The following YIPF6 variants were observed in gnomAD, a reference collection of about 807,000 sequenced individuals.
The protein encoded by YIPF6 is protein YIPF6.
YIPF6 carries 3 observed loss-of-function variants against 16.8 expected under a neutral mutation model. That is an observed-to-expected ratio of 0.18 (90% CI 0.08 to 0.46). YIPF6 has a LOEUF of 0.46. Ranked by LOEUF, YIPF6 falls within the 20% of genes least tolerant of loss-of-function variation. YIPF6 has a pLI of 0.98. For synonymous variants in YIPF6, 67 were observed against 61.9 expected (o/e 1.08, Z -0.38); for missense variants, 145 against 184.9 (o/e 0.78, Z 1.25).
intron 1 of YIPF6, among the ~76,000 whole-genome samples, chrX:68,505,296 A>G (rs947630010): frequency 1.7e-4 from 19 of 111,174 alleles, no homozygotes; most frequent in African/African-American, 5.9e-4. Context: ...TGTAATCCCA[A>G]CTACTAGGGG....
At chrX:68,510,041 T>C (rs1965680053) in intron 1 of YIPF6, among the ~76,000 whole-genome samples, 1 of 112,120 alleles carries the variant, frequency 8.9e-6, no homozygotes, top group Non-Finnish European at 1.9e-5. Flanking sequence ...GAGCCAGTGC[T>C]GATGTCTCTT....
chrX:68,502,407 C>G (rs757432900), intron 1 of YIPF6, among the ~76,000 whole-genome samples: 1 of 111,563 alleles, frequency 9.0e-6, no homozygotes, highest in African/African-American at 3.3e-5. Context: ...TTTGCAGGTT[C>G]TGATTCAGTT....
chrX:68,500,614 C>T (rs2079037855), intron 1 of YIPF6, among the ~76,000 whole-genome samples: 1 of 111,813 alleles, frequency 8.9e-6, no homozygotes, highest in Non-Finnish European at 1.9e-5. Flanking sequence ...GTGCCTGGCC[C>T]CCTTTCCTCT....
rs767456547 is a variant in YIPF6 at position 68,522,808 on chromosome X, G to A, written c.483G>A (p.Leu161=). The A allele has an allele frequency of 9.9e-6, 12 of 1,210,605 alleles. No individual in the cohort carries two copies. In the South Asian group the frequency reaches 1.9e-4, roughly 20 times the overall value. The change falls in exon 6 of 7, where the codon TTG becomes TTA. Residue 161 remains leucine, a synonymous_variant. Coordinates refer to ENST00000462683, the MANE Select transcript of YIPF6 (RefSeq NM_173834.4). ...LCVLGYCILP[L]TVAMLICRLV... Reference sequence around the variant, plus strand: ...TGCTGGGTTACTGTATACTTCCCTTGACAGTAGCAATGCTGATTTGCCGGC... The same window carrying A: ...TGCTGGGTTACTGTATACTTCCCTTAACAGTAGCAATGCTGATTTGCCGGC...
In YIPF6 at chrX:68,534,582, A is replaced by G. The variant is rs1254357416; in HGVS notation, c.*2583A>G. 3 of 111,320 alleles carry G rather than the reference A, an allele frequency of 2.7e-5. No individual in the cohort carries two copies. Among genetic ancestry groups the G allele is most frequent in the African/African-American group, 9.8e-5 (3 of 30,629 alleles). 9.2% of individuals were successfully genotyped at this position (111,320 alleles called of 1,213,427 possible). A position where few individuals can be genotyped will look rare whatever the true frequency, so the allele number is the denominator to read the frequency against. ...GGCAATTTTTTTTTTTCTAAACAGG[A>G]AAAGGGTTAAATGAAGGTTGATAAA... On this transcript the variant is annotated 3_prime_UTR_variant, in exon 7 of 7. Coordinates refer to ENST00000462683, the MANE Select transcript of YIPF6 (RefSeq NM_173834.4).
intron 1 of YIPF6, among the ~76,000 whole-genome samples, chrX:68,501,129 T>C (rs2079039770): frequency 8.9e-6 from 1 of 112,171 alleles, no homozygotes; most frequent in Non-Finnish European, 1.9e-5. Context: ...ACTGTGCTAG[T>C]TGCTGTAGGG....
chrX:68,522,716 A>T (rs773635503), intron 5 of YIPF6, 44 bp from the exon 6 acceptor site: 1 of 1,135,579 alleles, frequency 8.8e-7, no homozygotes. Context: ...CATAACACCC[A>T]TCAGTTGTAT....
intron 2 of YIPF6, 146 bp from the exon 3 acceptor site, chrX:68,513,181 G>GTGTAGTGAAGGAGT (rs1433829638): frequency 7.2e-4 from 308 of 425,574 alleles, no homozygotes; most frequent in Non-Finnish European, 9.9e-4. Flanking sequence ...TGGTTTGTTT[G>GTGTAGTGAAGGAGT]TGTAGTGAAG....
chrX:68,531,249 C>A (rs902353567), intron 6 of YIPF6, among the ~76,000 whole-genome samples: 4 of 110,907 alleles, frequency 3.6e-5, no homozygotes, highest in African/African-American at 1.3e-4. Flanking sequence ...CTCAGCCACC[C>A]GAGTAGCTGG....
intron 1 of YIPF6, chrX:68,510,680 CT>C (rs1347258557): frequency 9.1e-6 from 1 of 110,039 alleles, no homozygotes; most frequent in Non-Finnish European, 1.9e-5. Flanking sequence ...GTTGCCCAGG[CT>C]GGAGTGCAAT....
At chrX:68,503,998 C>T (rs1368531793) in intron 1 of YIPF6, among the ~76,000 whole-genome samples, 4 of 112,391 alleles carry the variant, frequency 3.6e-5, no homozygotes, top group South Asian at 3.7e-4. Context: ...GGATTACAGG[C>T]GTGAGCCACG....
chrX:68,521,576 A>ATTT, intron 5 of YIPF6, 79 bp downstream of exon 5: 10 of 896,765 alleles, frequency 1.1e-5, no homozygotes, highest in Admixed American at 3.5e-5. Context: ...GGCTAGCTAG[A>ATTT]TTTTTTTTTT....
chrX:68,531,007 T>C (rs6624368), intron 6 of YIPF6, among the ~76,000 whole-genome samples: 33,225 of 110,476 alleles, frequency 0.3, 8,097 homozygotes, highest in African/African-American at 0.83. Context: ...CCGTAACATA[T>C]TGCAGCCTTG....
At chrX:68,503,069 T>C (rs1255445042) in intron 1 of YIPF6, among the ~76,000 whole-genome samples, 2 of 111,233 alleles carry the variant, frequency 1.8e-5, no homozygotes, top group Non-Finnish European at 3.8e-5. Context: ...TCTGGGATCT[T>C]TGGAAGATCT....
rs757875704 is a variant in YIPF6, at chrX:68,525,314, C to T, written c.592+2397C>T. ...TTGAGAAGTGTCTGTTCATATCCTT[C>T]GCCCACTTTTTGATGGGGTTGTCTT... On this transcript the variant is annotated intron_variant, in intron 6 of 6. Transcript: ENST00000462683. Among the ~76,000 whole-genome samples the T allele has an allele frequency of 2.6e-4, 29 of 112,089 alleles. No homozygotes were observed. In the South Asian group the frequency reaches 4.1e-3, roughly 16 times the overall value.
Position 68,534,525 on chromosome X carries a change from C to A in YIPF6, c.*2526C>A, listed in dbSNP as rs1465148668. On this transcript the variant is annotated 3_prime_UTR_variant, in exon 7 of 7. Transcript: ENST00000462683. ...TGAAAATCAGTTAGATTTGCTTAAG[C>A]CTCAAAGAGAATGTTTATGTAAATT... 9.0e-6 allele frequency: 1 copy of A among 110,856 alleles called. No homozygotes were observed. Among genetic ancestry groups the A allele is most frequent in the Admixed American group, 9.6e-5 (1 of 10,384 alleles). The allele number at this position is 110,856 out of a possible 1,213,427, so 9.1% of individuals were successfully genotyped here.
Position 68,534,285 on chromosome X carries a change from T to C in YIPF6, c.*2286T>C, listed in dbSNP as rs938702357. On this transcript the variant is annotated 3_prime_UTR_variant, in exon 7 of 7. Coordinates refer to ENST00000462683, the MANE Select transcript of YIPF6 (RefSeq NM_173834.4). Reference sequence around the variant, plus strand: ...ATTGTTCTATTTATAGCATTCTTTTTTTTTTTTAGTAGCGGTATTTCCATT... The same window carrying C: ...ATTGTTCTATTTATAGCATTCTTTTCTTTTTTTAGTAGCGGTATTTCCATT... 1 of 111,897 alleles carries C rather than the reference T, an allele frequency of 8.9e-6. No homozygotes were observed. Among genetic ancestry groups the C allele is most frequent in the Non-Finnish European group, 1.9e-5 (1 of 53,199 alleles). The allele number at this position is 111,897 out of a possible 1,213,427, so 9.2% of individuals were successfully genotyped here. A position where few individuals can be genotyped will look rare whatever the true frequency, so the allele number is the denominator to read the frequency against.
At chrX:68,513,567 A>C (rs752100802) in intron 3 of YIPF6, 162 bp downstream of exon 3, 60 of 330,026 alleles carry the variant, frequency 1.8e-4, no homozygotes, top group Middle Eastern at 1.7e-3. Context: ...GCAGAAATTA[A>C]AAATTGATTT....
rs1234642787 is a variant in YIPF6 at position 68,532,250 on chromosome X, T to C, written c.*251T>C. 4.1e-6 allele frequency: 1 copy of C among 242,822 alleles called. No individual in the cohort carries two copies. The highest frequency in any genetic ancestry group is 2.8e-5 in the African/African-American group (1 of 35,219). The allele number at this position is 242,822 out of a possible 1,213,427, so 20.0% of individuals were successfully genotyped here. On this transcript the variant is annotated 3_prime_UTR_variant, in exon 7 of 7. Transcript: ENST00000462683. ...ACATGTGCATACTACACACAGTATA[T>C]AATGCCTCCTTAAGGCATGATGGAG...
Sources: allele counts gnomAD v4.1 joint callset (sites outside exome capture counted in the v4.1 genomes callset), GRCh38; gene constraint gnomAD v4.1.1; transcripts MANE v1.5; gene names NCBI Gene and HGNC (gene_info 2026-07-23, HGNC 2026-07-21).